The following DPP6 variants were observed in gnomAD, a reference collection of about 807,000 sequenced individuals.
DPP6 encodes the protein A-type potassium channel modulatory protein DPP6.
DPP6 carries 69 observed loss-of-function variants against 122.6 expected under a neutral mutation model. That is an observed-to-expected ratio of 0.56 (90% confidence interval 0.46 to 0.69). The LOEUF (loss-of-function observed/expected upper bound fraction) is 0.69. DPP6 is among the 30% of genes least tolerant of loss of function. The pLI is 0.00. For synonymous variants in DPP6, 418 were observed against 433.1 expected, an observed-to-expected ratio of 0.97 and a Z score of 0.43; for missense variants, 928 against 1,116.9, an observed-to-expected ratio of 0.83 and a Z score of 2.41.
At chr7:154,220,517 G>A (rs1800244253) in intron 1 of DPP6, among the ~76,000 whole-genome samples, 1 of 152,104 alleles carries the variant, frequency 6.6e-6, no homozygotes, top group Non-Finnish European at 1.5e-5. Flanking sequence ...CAACCTCCCT[G>A]TGACATGGAT....
chr7:154,262,077 G>A (rs903563815), intron 1 of DPP6, among the ~76,000 whole-genome samples: 1 of 152,060 alleles, frequency 6.6e-6, no homozygotes, highest in Non-Finnish European at 1.5e-5. Context: ...GTGTTTTGAA[G>A]TTAAAGCCCA....
intron 1 of DPP6, among the ~76,000 whole-genome samples, chr7:154,303,631 C>G (rs1479776784): frequency 6.6e-6 from 1 of 152,184 alleles, no homozygotes; most frequent in South Asian, 2.1e-4. Context: ...CTCCCTGTCC[C>G]ATGCAGGAGT....
intron 1 of DPP6, among the ~76,000 whole-genome samples, chr7:153,964,928 T>TTCTTTCTTTCTTTCTTTC (rs1341144496): frequency 7.1e-6 from 1 of 140,750 alleles, no homozygotes; most frequent in Non-Finnish European, 1.5e-5. Context: ...CTTTCTTTCT[T>TTCTTTCTTTCTTTCTTTC]TCTTTCTTTC....
intron 7 of DPP6, among the ~76,000 whole-genome samples, chr7:154,697,369 A>G (rs982481160): frequency 5.9e-5 from 9 of 152,202 alleles, no homozygotes; most frequent in Non-Finnish European, 1.2e-4. Context: ...CTCTCAGGCC[A>G]GGGCTTCCAA....
chr7:153,914,458 T>C (rs1475370789), intron 1 of DPP6, among the ~76,000 whole-genome samples: 2 of 152,206 alleles, frequency 1.3e-5, no homozygotes, highest in African/African-American at 2.4e-5. Context: ...TTCTCTTCAG[T>C]AGGAGCCCTT....
intron 5 of DPP6, among the ~76,000 whole-genome samples, chr7:154,622,250 T>C (rs1834737138): frequency 6.6e-6 from 1 of 152,166 alleles, no homozygotes; most frequent in Admixed American, 6.5e-5. Context: ...ACAATGGCAC[T>C]ACATTTGCTA....
At chr7:154,887,188 C>A (rs751543385) in intron 22 of DPP6, among the ~76,000 whole-genome samples, 5 of 152,182 alleles carry the variant, frequency 3.3e-5, no homozygotes, top group Non-Finnish European at 5.9e-5. Flanking sequence ...TGTGCAGAGC[C>A]CTTTCGGCCC....
intron 1 of DPP6, among the ~76,000 whole-genome samples, chr7:153,961,350 TA>T (rs1390558787): frequency 1.8e-5 from 1 of 54,094 alleles, no homozygotes; most frequent in Non-Finnish European, 2.9e-5. Flanking sequence ...TTTTTTATTT[TA>T]TTTTTTTTTA....
At chr7:154,622,134 G>A (rs558416747) in intron 5 of DPP6, among the ~76,000 whole-genome samples, 1 of 152,286 alleles carries the variant, frequency 6.6e-6, no homozygotes, top group Middle Eastern at 3.4e-3. Flanking sequence ...AGACGGTAAT[G>A]AGGGAGACCA....
At chr7:153,803,388 T>A in the DPP6 span, among the ~76,000 whole-genome samples, 5 of 151,560 alleles carry the variant, frequency 3.3e-5, no homozygotes, top group African/African-American at 7.3e-5. Flanking sequence ...CATTGGGGCA[T>A]CTTTCAGTCC....
chr7:153,961,192 A>C (rs1246258852), intron 1 of DPP6, among the ~76,000 whole-genome samples: 12 of 147,096 alleles, frequency 8.2e-5, no homozygotes, highest in Admixed American at 7.5e-4. Context: ...TTTGGCATTT[A>C]TCTAGGTCTC....
At chr7:154,088,807 T>C (rs1400756355) in intron 1 of DPP6, among the ~76,000 whole-genome samples, 1 of 152,234 alleles carries the variant, frequency 6.6e-6, no homozygotes, top group Non-Finnish European at 1.5e-5. Flanking sequence ...GGGTCTGTGC[T>C]CTCTGATATA....
intron 1 of DPP6, among the ~76,000 whole-genome samples, chr7:154,355,175 G>A (rs1028456297): frequency 6.6e-6 from 1 of 152,026 alleles, no homozygotes; most frequent in South Asian, 2.1e-4. Context: ...CAAGTTTTTT[G>A]CTCATTTTTA....
intron 7 of DPP6, among the ~76,000 whole-genome samples, chr7:154,713,043 A>G (rs1170450651): frequency 6.6e-6 from 1 of 152,216 alleles, no homozygotes; most frequent in Non-Finnish European, 1.5e-5. Context: ...GGGTAAATAT[A>G]CCCATTCCAA....
intron 1 of DPP6, among the ~76,000 whole-genome samples, chr7:154,189,176 G>A (rs1384018352): frequency 6.6e-6 from 1 of 152,204 alleles, no homozygotes; most frequent in East Asian, 1.9e-4. Flanking sequence ...AGATGAGATC[G>A]TGATACCTTT....
chr7:154,341,030 T>A (rs1305003200), intron 1 of DPP6, among the ~76,000 whole-genome samples: 1 of 152,208 alleles, frequency 6.6e-6, no homozygotes, highest in East Asian at 1.9e-4. Context: ...AACTTATAAA[T>A]TACATTCTCT....
In DPP6 at chr7:154,804,931, C is replaced by T. The variant is rs768089998; in HGVS notation, c.1514C>T (p.Thr505Met). Residue 505 changes from threonine (T) to methionine (M), a missense_variant, in exon 15 of 26, where the codon ACG becomes ATG. By Grantham distance (81) the Thr-to-Met change is moderately conservative. Transcript: ENST00000377770. ...EKGNKIYFLS[T>M]EDLPRRRQLY... ...GATCTTTGCAGCTACTTCCTGAGCA[C>T]GGAGGACCTGCCTCGGAGACGACAA... 2.5e-6 allele frequency: 4 copies of T among 1,603,004 alleles called. No homozygotes were observed. Among genetic ancestry groups the T allele is most frequent in the Non-Finnish European group, 2.6e-6 (3 of 1,174,594 alleles).
intron 1 of DPP6, among the ~76,000 whole-genome samples, chr7:154,256,568 G>C (rs1461730222): frequency 6.6e-6 from 1 of 152,232 alleles, no homozygotes; most frequent in Non-Finnish European, 1.5e-5. Flanking sequence ...ACAGAATCAT[G>C]ACAGAATTTG....
intron 6 of DPP6, among the ~76,000 whole-genome samples, chr7:154,663,942 A>G (rs1214696204): frequency 7.3e-4 from 56 of 77,142 alleles, no homozygotes; most frequent in African/African-American, 2.0e-3. Flanking sequence ...TGTAGTCAAG[A>G]TGAATCACCA....
Sources: allele counts gnomAD v4.1 joint callset (sites outside exome capture counted in the v4.1 genomes callset), GRCh38; gene constraint gnomAD v4.1.1; transcripts MANE v1.5; gene names NCBI Gene and HGNC (gene_info 2026-07-23, HGNC 2026-07-21).